MYO1A: variants seen among roughly 807,000 people sequenced by gnomAD.
MYO1A encodes myosin IA.
Under a neutral mutation model 138.5 loss-of-function variants are expected in MYO1A, and 127 were observed. That is an observed-to-expected ratio of 0.92 (90% confidence interval 0.79 to 1.06). MYO1A has a LOEUF of 1.06. Among genes scored for constraint, MYO1A ranks in the 50% least tolerant of loss-of-function variants. The probability of loss-of-function intolerance (pLI) is 0.00; values close to 1 mark genes in which losing one functional copy is unlikely to be tolerated. For missense variants in MYO1A, 1,211 were observed against 1,288.8 expected (o/e 0.94, Z 0.92); for synonymous variants, 477 against 497.5 (o/e 0.96, Z 0.55).
rs755152831 is a variant in MYO1A, at chr12:57,043,075, G to C, written c.1095C>G (p.Ile365Met). 1 of 1,614,078 alleles carries C rather than the reference G, an allele frequency of 6.2e-7. No homozygotes were observed. The highest frequency in any genetic ancestry group is 1.1e-5 in the South Asian group (1 of 91,076). The change falls in exon 12 of 28, where the codon ATC becomes ATG. Residue 365 changes from isoleucine (I) to methionine (M), a missense_variant. By Grantham distance (10) the Ile-to-Met change is conservative. Transcript: ENST00000300119. Reference sequence around the variant, plus strand: ...AGAAAGCAGAGCGGCCACTTGCCTTGATGCTCTCATTGATTCGATTCACTA... The same window carrying C: ...AGAAAGCAGAGCGGCCACTTGCCTTCATGCTCTCATTGATTCGATTCACTA... Reference protein sequence around the residue: ...DWIVNRINESIKVGIGEKKKV... With the variant: ...DWIVNRINESMKVGIGEKKKV...
chr12:57,041,437 A>C lies in MYO1A; in HGVS notation c.1159T>G (p.Leu387Val). The change falls in exon 13 of 28, where the codon TTA becomes GTA. Residue 387 changes from leucine to valine, a missense_variant. Leu to Val is a conservative substitution (Grantham distance 32). Transcript: ENST00000300119. ...CTGAGGTGAGGCACTCTCACCTCTA[A>C]TATCTCAAAACCGTAGATATCAAGG... ...GVLDIYGFEI[L>V]EDNSFEQFVI... The C allele has an allele frequency of 6.2e-7, 1 of 1,613,356 alleles. No individual in the cohort carries two copies. Among genetic ancestry groups the C allele is most frequent in the Non-Finnish European group, 8.5e-7 (1 of 1,179,342 alleles).
At chr12:57,030,982 A>C in intron 23 of MYO1A, 58 bp downstream of exon 23, 6 of 1,602,126 alleles carry the variant, frequency 3.7e-6, no homozygotes, top group Non-Finnish European at 5.1e-6. Context: ...AAAGAGGAAA[A>C]TCAGGGGGAG....
At position 57,041,217 on chromosome 12, in the gene MYO1A, G is replaced by A; in HGVS notation, c.1236C>T (p.Thr412=). ...TATATTCCTCTTGCTCTTCTTTCAGGGTCATCTCTATGAACACCTGCTGCA... is the reference window on the plus strand; with the variant it reads ...TATATTCCTCTTGCTCTTCTTTCAGAGTCATCTCTATGAACACCTGCTGCA... The part of the protein sequence containing the change: ...EKLQQVFIEM[T]LKEEQEEYKR... Residue 412 remains threonine, a synonymous_variant, in exon 14 of 28, where the codon ACC becomes ACT. Transcript: ENST00000300119. 6.2e-7 allele frequency: 1 copy of A among 1,613,612 alleles called. No homozygotes were observed. The highest frequency in any genetic ancestry group is 2.2e-5 in the East Asian group (1 of 44,872).
In MYO1A at chr12:57,038,513, C is replaced by A. The variant is rs1366328161; in HGVS notation, c.1659G>T (p.Lys553Asn). 8 of 1,614,188 alleles carry A rather than the reference C, an allele frequency of 5.0e-6. No individual in the cohort carries two copies. In the East Asian group the frequency reaches 1.8e-4, roughly 36 times the overall value. ...LRSLFPEGNPKQASLKRPPTA... is the reference protein window; with the variant it reads ...LRSLFPEGNPNQASLKRPPTA... ...TCGGGGGGCGTTTGAGAGATGCCTG[C>A]TTAGGATTGCCCTCAGGAAACAAGG... Residue 553 changes from lysine (K) to asparagine (N), a missense_variant, in exon 17 of 28, where the codon AAG (lysine) becomes AAT (asparagine). Lys to Asn is a moderately conservative substitution (Grantham distance 94). Coordinates refer to ENST00000300119, the MANE Select transcript of MYO1A (RefSeq NM_005379.4).
rs530804924 is a variant in MYO1A at position 57,041,813 on chromosome 12, T to G, written c.1099-316A>C. 7.9e-4 allele frequency among the ~76,000 whole-genome samples: 120 copies of G among 152,334 alleles called. 1 individual carries two copies. The highest frequency in any genetic ancestry group is 6.8e-3 in the Middle Eastern group (2 of 294). ...GTAGAGCATTTTACAAAAGATTCCA[T>G]GTCTTTATTTATCATAACCTTATAA... is the stretch of plus-strand genomic sequence containing the variant. On this transcript the variant is annotated intron_variant, in intron 12 of 27. Coordinates refer to ENST00000300119, the MANE Select transcript of MYO1A (RefSeq NM_005379.4).
rs1331033119 is a variant in MYO1A, at chr12:57,037,083, G to T, written c.2064C>A (p.Tyr688Ter). 6.2e-6 allele frequency: 10 copies of T among 1,614,038 alleles called. No individual in the cohort carries two copies. Among genetic ancestry groups the T allele is most frequent in the Non-Finnish European group, 3.4e-6 (4 of 1,180,032 alleles). The change falls in exon 20 of 28, where the codon TAC becomes TAA. Residue 688 changes from tyrosine to a stop codon, truncating the protein, a stop_gained. Coordinates refer to ENST00000300119, the MANE Select transcript of MYO1A (RefSeq NM_005379.4). LOFTEE classifies it high-confidence loss of function. ...IFIRSPKTLF[Y>*]LEEQRRLRLQ... ...GTCTCAGGCGCCTCTGTTCTTCGAG[G>T]TAGAAAAGCTGTGGAGAGGTGGAAG...
At chr12:57,050,179 G>T (rs955553991), upstream of MYO1A, 1 of 152,274 alleles carries the variant, frequency 6.6e-6, no homozygotes, top group Non-Finnish European at 1.5e-5. Context: ...TGCTGAGGGT[G>T]TGGCTCACTT....
rs774992972 is a variant in MYO1A, at chr12:57,029,120, T to G, written c.3005+12A>C. The G allele has an allele frequency of 1.2e-6, 2 of 1,613,808 alleles. No homozygotes were observed. The highest frequency in any genetic ancestry group is 2.7e-5 in the African/African-American group (2 of 74,842). On this transcript the variant is annotated intron_variant, in intron 27 of 27. Coordinates refer to ENST00000300119, the MANE Select transcript of MYO1A (RefSeq NM_005379.4). ...CCGTAAGCCGCCCCTCACCCCCAGT[T>G]CATGGCCTCACTTCTCAGTCACGGT... is the stretch of plus-strand genomic sequence containing the variant.
chr12:57,044,330 G>C (rs2031000279), intron 8 of MYO1A, 121 bp from the exon 9 acceptor site: 1 of 799,026 alleles, frequency 1.3e-6, no homozygotes, highest in African/African-American at 1.7e-5. Flanking sequence ...AGTCATTTTT[G>C]TTTTGGGTTC....
intron 12 of MYO1A, among the ~76,000 whole-genome samples, chr12:57,041,723 T>A (rs1033687930): frequency 1.3e-5 from 2 of 152,226 alleles, no homozygotes; most frequent in African/African-American, 2.4e-5. Flanking sequence ...TCCAGGATGG[T>A]GCTCCGATGG....
At chr12:57,038,366 G>A (rs368152005) in intron 17 of MYO1A, 46 bp downstream of exon 17, 187 of 1,590,082 alleles carry the variant, frequency 1.2e-4, no homozygotes, top group South Asian at 2.2e-4. Context: ...GACCCTGCAC[G>A]TGCCATCACA....
chr12:57,039,092 C>A (rs916391280), intron 15 of MYO1A, 83 bp from the exon 16 acceptor site: 13 of 1,564,728 alleles, frequency 8.3e-6, no homozygotes, highest in Non-Finnish European at 8.8e-7. Context: ...CCTTTCTCCA[C>A]TCTTATCTTC....
At chr12:57,030,962 G>A (rs2136434695) in intron 23 of MYO1A, 78 bp downstream of exon 23, 1 of 1,558,256 alleles carries the variant, frequency 6.4e-7, no homozygotes, top group Non-Finnish European at 8.7e-7. Context: ...AAAAATAGAA[G>A]AGGGAGGCAA....
intron 22 of MYO1A, among the ~76,000 whole-genome samples, chr12:57,033,761 G>A (rs2030400194): frequency 6.6e-6 from 1 of 152,170 alleles, no homozygotes; most frequent in African/African-American, 2.4e-5. Flanking sequence ...CCAAATGTCT[G>A]GAATTTTTAT....
chr12:57,038,746 T>TC, intron 16 of MYO1A, 63 bp downstream of exon 16: 1 of 1,609,284 alleles, frequency 6.2e-7, no homozygotes, highest in East Asian at 2.2e-5. Flanking sequence ...CCCGGGTTCC[T>TC]CCCCCATTGA....
rs142017261 is a variant in MYO1A, at chr12:57,030,229, T to C, written c.2572A>G (p.Lys858Glu). The C allele has an allele frequency of 3.6e-5, 58 of 1,614,040 alleles. No homozygotes were observed. The highest frequency in any genetic ancestry group is 4.8e-5 in the Non-Finnish European group (57 of 1,180,000). ...CCTCACCTCTGGGGATATGAAGCCT[T>C]CTTGCCCTTGAACAGTTCACTGGCA... is the stretch of plus-strand genomic sequence containing the variant. ...LCASELFKGK[K>E]ASYPQSVPIP... Residue 858 changes from lysine to glutamate, a missense_variant, in exon 24 of 28, where the codon AAG becomes GAG. By Grantham distance (56) the Lys-to-Glu change is moderately conservative. Coordinates refer to ENST00000300119, the MANE Select transcript of MYO1A (RefSeq NM_005379.4).
intron 1 of MYO1A, among the ~76,000 whole-genome samples, chr12:57,048,907 T>G (rs982190292): frequency 6.6e-6 from 1 of 152,230 alleles, no homozygotes; most frequent in Non-Finnish European, 1.5e-5. Context: ...ACAGTGAGCT[T>G]CATTTTTAAA....
intron 14 of MYO1A, among the ~76,000 whole-genome samples, chr12:57,040,416 T>G (rs1228859772): frequency 1.3e-5 from 2 of 152,086 alleles, no homozygotes; most frequent in Admixed American, 1.3e-4. Context: ...TGCCTCTGGG[T>G]GGGGAGGAGA....
intron 8 of MYO1A, among the ~76,000 whole-genome samples, chr12:57,044,636 C>T (rs2031015405): frequency 6.6e-6 from 1 of 152,170 alleles, no homozygotes; most frequent in Non-Finnish European, 1.5e-5. Context: ...AATCCACCCG[C>T]CTCGGCCTCT....
Sources: gnomAD v4.1 joint callset for allele counts (sites outside exome capture counted in the v4.1 genomes callset) on GRCh38, gnomAD v4.1.1 for gene constraint, MANE v1.5 for transcripts, NCBI Gene and HGNC (gene_info 2026-07-23, HGNC 2026-07-21) for gene names.